NXN: variants seen among roughly 807,000 people sequenced by gnomAD.
NXN encodes the protein nucleoredoxin 1.
Under a neutral mutation model 48.6 loss-of-function variants are expected in NXN, and 16 were observed. That is an observed-to-expected ratio of 0.33 (90% CI 0.22 to 0.50). NXN has a LOEUF of 0.50. Among genes scored for constraint, NXN ranks in the 20% least tolerant of loss-of-function variants. The pLI is 0.98. For synonymous variants in NXN, 281 were observed against 269.6 expected, an observed-to-expected ratio of 1.04 and a Z score of -0.41; for missense variants, 492 against 605.5, an observed-to-expected ratio of 0.81 and a Z score of 1.97.
intron 1 of NXN, among the ~76,000 whole-genome samples, chr17:868,335 C>T (rs560149247): frequency 9.9e-5 from 15 of 152,234 alleles, no homozygotes; most frequent in Non-Finnish European, 1.6e-4. Flanking sequence ...ATGAGAATCA[C>T]TGGGAAACTC....
intron 1 of NXN, among the ~76,000 whole-genome samples, chr17:839,944 A>G (rs769731819): frequency 6.6e-6 from 1 of 151,872 alleles, no homozygotes; most frequent in Non-Finnish European, 1.5e-5. Context: ...TAAACATACA[A>G]CAATTAGCTG....
At chr17:804,274 C>CTTTTTT (rs11325268) in intron 6 of NXN, among the ~76,000 whole-genome samples, 3 of 88,932 alleles carry the variant, frequency 3.4e-5, no homozygotes, top group Non-Finnish European at 6.4e-5. Flanking sequence ...TGGTCAGCGG[C>CTTTTTT]TTTTTTTTTT....
chr17:825,814 C>T lies in NXN; in HGVS notation c.478+147G>A, dbSNP rs915036884. 7 of 618,818 alleles carry T rather than the reference C, an allele frequency of 1.1e-5. No individual in the cohort carries two copies. Among genetic ancestry groups the T allele is most frequent in the Admixed American group, 3.0e-5 (1 of 33,232 alleles). The allele number at this position is 618,818 out of a possible 1,614,324, so 38.3% of individuals were successfully genotyped here. A position where few individuals can be genotyped will look rare whatever the true frequency, so the allele number is the denominator to read the frequency against. Reference sequence around the variant, plus strand: ...CATGTCCTAGGGAATACTATGATTTCACCAAGACGACATTCTCTACCACGT... The same window carrying T: ...CATGTCCTAGGGAATACTATGATTTTACCAAGACGACATTCTCTACCACGT... On this transcript the variant is annotated intron_variant, in intron 2 of 7. Coordinates refer to ENST00000336868, the MANE Select transcript of NXN (RefSeq NM_022463.5). This position sits in a 1 kb window ranked among gnomAD's most constrained non-coding sequence, Gnocchi z 4.1.
chr17:960,222 G>T (rs2586281), intron 1 of NXN, among the ~76,000 whole-genome samples: 132,821 of 152,252 alleles, frequency 0.87, 60,371 homozygotes, highest in Non-Finnish European at 0.99. Context: ...TCCTTTTTAT[G>T]TATCTGTTTA....
chr17:952,969 G>A (rs1357951314), intron 1 of NXN, among the ~76,000 whole-genome samples: 3 of 152,150 alleles, frequency 2.0e-5, no homozygotes, highest in Non-Finnish European at 4.4e-5. Flanking sequence ...TACATGAAAA[G>A]CAGTAACAAG....
At chr17:925,625 G>A (rs1409327215) in intron 1 of NXN, among the ~76,000 whole-genome samples, 1 of 152,142 alleles carries the variant, frequency 6.6e-6, no homozygotes. Flanking sequence ...CTGACCTCAG[G>A]TGATCCGCCC....
chr17:950,885 T>C (rs1463790760), intron 1 of NXN, among the ~76,000 whole-genome samples: 1 of 151,842 alleles, frequency 6.6e-6, no homozygotes, highest in Admixed American at 6.6e-5. Flanking sequence ...TAAAGACACC[T>C]CCGTAAGAAA....
chr17:804,704 C>T (rs945982766), intron 6 of NXN, among the ~76,000 whole-genome samples: 3 of 152,262 alleles, frequency 2.0e-5, no homozygotes, highest in African/African-American at 7.2e-5. Context: ...AGAGGATCCG[C>T]AGAAGCAGCC....
chr17:936,447 A>G (rs140247797), intron 1 of NXN, among the ~76,000 whole-genome samples: 2,172 of 152,018 alleles, frequency 0.014, 56 homozygotes, highest in African/African-American at 0.049. Flanking sequence ...GGTCAAGCCC[A>G]TCCTGTCAGT....
At chr17:885,440 A>G (rs995609468) in intron 1 of NXN, among the ~76,000 whole-genome samples, 4 of 151,778 alleles carry the variant, frequency 2.6e-5, no homozygotes, top group Non-Finnish European at 5.9e-5. Context: ...TCGCACCACT[A>G]CACTCCAGCC....
At chr17:944,142 GAC>G (rs1439074109) in intron 1 of NXN, among the ~76,000 whole-genome samples, 3 of 151,860 alleles carry the variant, frequency 2.0e-5, no homozygotes, top group African/African-American at 7.3e-5. Context: ...GGGAGGCTGA[GAC>G]AGGAGAATTG....
intron 1 of NXN, among the ~76,000 whole-genome samples, chr17:950,201 C>T (rs893637204): frequency 1.3e-5 from 2 of 152,164 alleles, no homozygotes. Flanking sequence ...ATCAACATCA[C>T]GGACTGCAGC....
In NXN at chr17:823,629, C is replaced by T. The variant is rs1912936359; in HGVS notation, c.612+3G>A. The T allele has an allele frequency of 1.2e-6, 2 of 1,614,026 alleles. No homozygotes were observed. Among genetic ancestry groups the T allele is most frequent in the East Asian group, 4.5e-5 (2 of 44,880 alleles). On this transcript the variant is annotated splice_donor_region_variant and intron_variant, in intron 3 of 7. Transcript: ENST00000336868. ...CTGAGCCAAAGGGGGTCCAAACACT[C>T]ACCCAATGTGCGGAGAAATAGACGC...
chr17:959,078 C>T (rs79381300), intron 1 of NXN: 5 of 296,252 alleles, frequency 1.7e-5, no homozygotes, highest in African/African-American at 8.9e-5. Context: ...TCATCACGGG[C>T]GGTGTGGCTG....
intron 1 of NXN, among the ~76,000 whole-genome samples, chr17:851,499 G>A (rs1325675926): frequency 1.3e-5 from 2 of 152,224 alleles, no homozygotes; most frequent in Non-Finnish European, 2.9e-5. Flanking sequence ...AAGTCAGCCA[G>A]GCTGGGAACA....
intron 1 of NXN, among the ~76,000 whole-genome samples, chr17:843,030 AAGAAAGAAAG>A (rs1914448750): frequency 1.4e-5 from 2 of 142,722 alleles, no homozygotes; most frequent in Admixed American, 1.4e-4. Context: ...GAAAGAAAGA[AAGAAAGAAAG>A]AAAGAAAGAA....
In NXN at chr17:960,941, C is replaced by T. The variant is rs559830500; in HGVS notation, c.360+18378G>A. ...CTGGGACTACAGGCACCCGCCACCA[C>T]GCCCGGCTAATTTTTTCTATTTTTA... is the stretch of plus-strand genomic sequence containing the variant. On this transcript the variant is annotated intron_variant, in intron 1 of 7. Coordinates refer to ENST00000336868, the MANE Select transcript of NXN (RefSeq NM_022463.5). 1.6e-3 allele frequency among the ~76,000 whole-genome samples: 236 copies of T among 152,068 alleles called. 3 individuals carry two copies. The highest frequency in any genetic ancestry group is 2.2e-4 in the Non-Finnish European group (15 of 67,972).
chr17:815,398 C>T (rs2983482), intron 5 of NXN, among the ~76,000 whole-genome samples: 2,516 of 119,766 alleles, frequency 0.021, 64 homozygotes, highest in African/African-American at 0.073. Flanking sequence ...TCAGCTGACA[C>T]CCATCCGTAC....
Position 884,907 on chromosome 17 carries a change from T to A in NXN, c.361-58829A>T, listed in dbSNP as rs111610240. ...CCAGAATCTTGGGAGCTAAAGAAAG[T>A]GTGGGCTTTCCCCCAAAACAAACAC... On this transcript the variant is annotated intron_variant, in intron 1 of 7. Transcript: ENST00000336868. Among the ~76,000 whole-genome samples, 295 of 152,238 alleles carry A rather than the reference T, an allele frequency of 1.9e-3. 1 individual carries two copies. Among genetic ancestry groups the A allele is most frequent in the African/African-American group, 6.5e-3 (271 of 41,554 alleles).
Sources: allele counts gnomAD v4.1 joint callset (sites outside exome capture counted in the v4.1 genomes callset), GRCh38; gene constraint gnomAD v4.1.1; non-coding constraint Gnocchi (gnomAD v3.1); transcripts MANE v1.5; gene names NCBI Gene and HGNC (gene_info 2026-07-23, HGNC 2026-07-21).